ZNF558: variants seen among roughly 807,000 people sequenced by gnomAD.
The protein encoded by ZNF558 is zinc finger protein 558.
A neutral mutation model predicts 37.6 loss-of-function variants in ZNF558; 23 were observed. That is an observed-to-expected ratio of 0.61 (90% CI 0.44 to 0.87). The LOEUF is 0.87. Ranked by LOEUF, ZNF558 falls within the 40% of genes least tolerant of loss-of-function variation. The pLI is 0.00. For synonymous variants in ZNF558, 189 were observed against 174.4 expected (o/e 1.08, Z -0.66); for missense variants, 429 against 483.7 (o/e 0.89, Z 1.06).
At chr19:8,827,676 C>A (rs1427913661) in intron 2 of ZNF558, among the ~76,000 whole-genome samples, 2 of 146,778 alleles carry the variant, frequency 1.4e-5, no homozygotes, top group African/African-American at 4.9e-5. Flanking sequence ...CAGGTTCAAG[C>A]AATTCTCTTG....
At chr19:8,831,922 C>T (rs1200974096) in intron 1 of ZNF558, among the ~76,000 whole-genome samples, 1 of 152,198 alleles carries the variant, frequency 6.6e-6, no homozygotes, top group African/African-American at 2.4e-5. Flanking sequence ...AGCAGCCTCC[C>T]CTCCCCACAA....
intron 1 of ZNF558, among the ~76,000 whole-genome samples, chr19:8,831,824 T>C (rs1298175494): frequency 1.3e-5 from 2 of 152,208 alleles, no homozygotes; most frequent in South Asian, 2.1e-4. Context: ...TGATAATTCT[T>C]TGTTGTGGGG....
chr19:8,829,969 A>G (rs1216613519), intron 2 of ZNF558, among the ~76,000 whole-genome samples: 1 of 152,132 alleles, frequency 6.6e-6, no homozygotes, highest in Non-Finnish European at 1.5e-5. Context: ...TTAGGAGGTG[A>G]TATCGTTGGC....
At chr19:8,812,097 T>C in intron 9 of ZNF558, 34 bp from the exon 10 acceptor site, 1 of 1,461,092 alleles carries the variant, frequency 6.8e-7, no homozygotes. Context: ...AACTATAATT[T>C]ATAATATTTG....
chr19:8,834,637 AC>A (rs2044434439), upstream of ZNF558, among the ~76,000 whole-genome samples: 3 of 151,408 alleles, frequency 2.0e-5, no homozygotes, highest in Admixed American at 6.6e-5. Flanking sequence ...CCAAAAAAAA[AC>A]AAAAAAAAAA....
At position 8,822,368 on chromosome 19, in the gene ZNF558, G is replaced by A. The variant is rs1448715072; in HGVS notation, c.31+261C>T. On this transcript the variant is annotated intron_variant, in intron 5 of 9. Transcript: ENST00000601372. The surrounding 1 kb of genome is among the most constrained non-coding windows in gnomAD (Gnocchi z 4.4). ...GGAAACAAGTTCCAAGGGCGTCACT[G>A]TGTTTTTATCAGATTCACAGAAAGA... is the stretch of plus-strand genomic sequence containing the variant. 6.6e-6 allele frequency among the ~76,000 whole-genome samples: 1 copy of A among 152,202 alleles called. No individual in the cohort carries two copies. The highest frequency in any genetic ancestry group is 1.5e-5 in the Non-Finnish European group (1 of 68,040).
rs141506950 is a variant in ZNF558, at chr19:8,829,623, G to A, written c.-509+1695C>T. Among the ~76,000 whole-genome samples, 489 of 152,274 alleles carry A rather than the reference G, an allele frequency of 3.2e-3. 2 individuals carry two copies. The highest frequency in any genetic ancestry group is 0.011 in the African/African-American group (442 of 41,544). On this transcript the variant is annotated intron_variant, in intron 2 of 9. Transcript: ENST00000601372. ...ATTTCAGGTCCTCCAGGGTCCCTGT[G>A]CATCTGACCTAGGACCTGACTCATG...
chr19:8,825,004 G>A lies in ZNF558; in HGVS notation c.-404C>T, dbSNP rs907779273. ...GAATCGACAATGACCTTACTCACCA[G>A]GGAGACGTGGATTGCAGCAACTCTG... On this transcript the variant is annotated splice_region_variant and 5_prime_UTR_variant, in exon 3 of 10. Transcript: ENST00000601372. 6.6e-6 allele frequency: 1 copy of A among 152,242 alleles called. No homozygotes were observed. The highest frequency in any genetic ancestry group is 1.5e-5 in the Non-Finnish European group (1 of 68,098). The allele number at this position is 152,242 out of a possible 1,614,324, so 9.4% of individuals were successfully genotyped here. A position where few individuals can be genotyped will look rare whatever the true frequency, so the allele number is the denominator to read the frequency against.
At chr19:8,829,828 G>T (rs1432656731) in intron 2 of ZNF558, among the ~76,000 whole-genome samples, 1 of 152,158 alleles carries the variant, frequency 6.6e-6, no homozygotes, top group African/African-American at 2.4e-5. Context: ...AGCTAGAATG[G>T]AAAAGGTGAA....
intron 7 of ZNF558, among the ~76,000 whole-genome samples, chr19:8,817,513 A>G (rs1265079296): frequency 6.7e-6 from 1 of 149,870 alleles, no homozygotes; most frequent in Non-Finnish European, 1.5e-5. Context: ...TCAGTGGGTT[A>G]GGTGAATTAA....
intron 7 of ZNF558, among the ~76,000 whole-genome samples, chr19:8,816,794 C>G (rs1440900389): frequency 6.6e-6 from 1 of 152,172 alleles, no homozygotes; most frequent in East Asian, 1.9e-4. Flanking sequence ...TATAACTTCT[C>G]TTTTATTACT....
intron 7 of ZNF558, among the ~76,000 whole-genome samples, chr19:8,819,616 G>C (rs1326820083): frequency 1.3e-5 from 2 of 152,056 alleles, no homozygotes; most frequent in Non-Finnish European, 2.9e-5. Context: ...TTTAAAATCC[G>C]ACAACAAAAA....
At position 8,810,553 on chromosome 19, in the gene ZNF558, T is replaced by C. The variant is rs567003140; in HGVS notation, c.*728A>G. ...CGAGCTGAGAGCTTTACCATACAGA[T>C]TGTCCTCAAAAGGTTTCTCTTCAGA... On this transcript the variant is annotated 3_prime_UTR_variant, in exon 10 of 10. Transcript: ENST00000601372. 6.6e-6 allele frequency: 1 copy of C among 152,368 alleles called. No homozygotes were observed. The highest frequency in any genetic ancestry group is 6.5e-5 in the Admixed American group (1 of 15,304). The allele number at this position is 152,368 out of a possible 1,614,324, so 9.4% of individuals were successfully genotyped here. A position where few individuals can be genotyped will look rare whatever the true frequency, so the allele number is the denominator to read the frequency against.
intron 7 of ZNF558, among the ~76,000 whole-genome samples, chr19:8,820,351 CAA>C (rs888545572): frequency 1.3e-5 from 2 of 152,120 alleles, no homozygotes; most frequent in Admixed American, 1.3e-4. Context: ...TCTTGATAGT[CAA>C]AGAGTGGAAA....
rs782218502 is a variant in ZNF558 at position 8,811,849 on chromosome 19, C to A, written c.641G>T (p.Gly214Val). ...GGATGAGGGATCACTAAATGCTTTCCCACAGTGATTGCATTCATAGGGTTT... is the reference window on the plus strand; with the variant it reads ...GGATGAGGGATCACTAAATGCTTTCACACAGTGATTGCATTCATAGGGTTT... ...GEKPYECNHC[G>V]KAFSDPSSLR... is the part of the protein sequence containing the mutation. Residue 214 changes from glycine (G) to valine (V), a missense_variant, in exon 10 of 10, where the codon GGG becomes GTG. Transcript: ENST00000601372. The A allele has an allele frequency of 1.7e-5, 27 of 1,613,874 alleles. No homozygotes were observed. Among genetic ancestry groups the A allele is most frequent in the Non-Finnish European group, 2.3e-5 (27 of 1,179,966 alleles).
At chr19:8,812,264 T>C (rs997825455) in intron 9 of ZNF558, among the ~76,000 whole-genome samples, 1 of 152,332 alleles carries the variant, frequency 6.6e-6, no homozygotes, top group East Asian at 1.9e-4. Context: ...CAAGTCCTTA[T>C]CAGATGCACA....
upstream of ZNF558, among the ~76,000 whole-genome samples, chr19:8,833,907 G>C (rs1599306288): frequency 6.6e-6 from 1 of 152,248 alleles, no homozygotes; most frequent in East Asian, 1.9e-4. Flanking sequence ...AGAATAGCTT[G>C]AACTCGGGAG....
rs560919588 is a variant in ZNF558 at position 8,816,567 on chromosome 19, C to G, written c.248-3345G>C. 1.0e-3 allele frequency among the ~76,000 whole-genome samples: 159 copies of G among 152,254 alleles called. 1 individual carries two copies. The highest frequency in any genetic ancestry group is 3.5e-3 in the African/African-American group (145 of 41,552). On this transcript the variant is annotated intron_variant, in intron 7 of 9. Coordinates refer to ENST00000601372, the MANE Select transcript of ZNF558 (RefSeq NM_144693.3). ...ACCAAGAATTCTATATCTGGCAAAA[C>G]TCCCCTTCAAAAATAAAGAAATGAA...
At chr19:8,815,571 A>C (rs1429974405) in intron 7 of ZNF558, among the ~76,000 whole-genome samples, 1 of 152,128 alleles carries the variant, frequency 6.6e-6, no homozygotes, top group Non-Finnish European at 1.5e-5. Flanking sequence ...GCTTGCAACC[A>C]GGAGTTCAAG....
Sources: allele counts gnomAD v4.1 joint callset (sites outside exome capture counted in the v4.1 genomes callset), GRCh38; gene constraint gnomAD v4.1.1; non-coding constraint Gnocchi (gnomAD v3.1); transcripts MANE v1.5; gene names NCBI Gene and HGNC (gene_info 2026-07-23, HGNC 2026-07-21).